PKN2: variants seen among roughly 807,000 people sequenced by gnomAD.
PKN2 encodes the protein protein kinase N2.
A neutral mutation model predicts 119.1 loss-of-function variants in PKN2; 38 were observed. The observed-to-expected ratio is 0.32, with a 90% confidence interval of 0.25 to 0.42. The LOEUF (loss-of-function observed/expected upper bound fraction) is 0.42, where lower values mean the gene tolerates loss of function less well. Among genes scored for constraint, PKN2 ranks in the 10% least tolerant of loss-of-function variants. The pLI is 1.00. For missense variants in PKN2, 850 were observed against 1,165.1 expected (o/e 0.73, Z 3.94); for synonymous variants, 390 against 384.9 (o/e 1.01, Z -0.15).
chr1:88,734,021 A>G (rs566228360), intron 1 of PKN2, among the ~76,000 whole-genome samples: 34 of 152,208 alleles, frequency 2.2e-4, no homozygotes, highest in African/African-American at 8.2e-4. Context: ...AGCTAGGCAT[A>G]GTGGAGCCCA....
intron 1 of PKN2, among the ~76,000 whole-genome samples, chr1:88,736,189 T>C (rs1668340279): frequency 6.6e-6 from 1 of 152,198 alleles, no homozygotes; most frequent in African/African-American, 2.4e-5. Context: ...TCTCTCATGT[T>C]TCTCTGATAA....
chr1:88,820,179 CCTATATATATATATAT>C lies in PKN2; in HGVS notation c.2280-1761_2280-1746del, dbSNP rs1179669633. ...TAAATCAAACAAATCTTTTCAGAAACCTATATATATATATATATATATATATATATATATATATATA... is the reference window on the plus strand; with the variant it reads ...TAAATCAAACAAATCTTTTCAGAAACATATATATATATATATATATATATA... On this transcript the variant is annotated intron_variant, in intron 16 of 21. Transcript: ENST00000370521. 3.4e-4 allele frequency among the ~76,000 whole-genome samples: 22 copies of C among 65,476 alleles called. No homozygotes were observed. In the South Asian group the frequency reaches 0.01, roughly 31 times the overall value. 43.0% of individuals were successfully genotyped at this position (65,476 alleles called of 152,430 possible). A position where few individuals can be genotyped will look rare whatever the true frequency, so the allele number is the denominator to read the frequency against.
At chr1:88,726,703 G>A (rs1385049476) in intron 1 of PKN2, among the ~76,000 whole-genome samples, 1 of 151,814 alleles carries the variant, frequency 6.6e-6, no homozygotes, top group Admixed American at 6.6e-5. Context: ...ATTTTCTGGA[G>A]AATATTGTAT....
intron 19 of PKN2, among the ~76,000 whole-genome samples, chr1:88,832,426 A>G (rs554420716): frequency 1.9e-4 from 29 of 152,168 alleles, no homozygotes; most frequent in African/African-American, 5.5e-4. Context: ...ATAAAATGGA[A>G]TGGAGTGGAA....
intron 16 of PKN2, 83 bp from the exon 17 acceptor site, chr1:88,821,858 C>G: frequency 9.7e-7 from 1 of 1,025,974 alleles, no homozygotes; most frequent in Non-Finnish European, 1.4e-6. Flanking sequence ...AATGATAGGT[C>G]TGCTTTGAAG....
chr1:88,723,702 C>T (rs1187933517), intron 1 of PKN2, among the ~76,000 whole-genome samples: 1 of 152,074 alleles, frequency 6.6e-6, no homozygotes, highest in Non-Finnish European at 1.5e-5. Flanking sequence ...ATCCAGGTAT[C>T]CTTTTTATGT....
At chr1:88,694,368 TAC>T (rs1666448399) in intron 1 of PKN2, among the ~76,000 whole-genome samples, 1 of 152,224 alleles carries the variant, frequency 6.6e-6, no homozygotes, top group Non-Finnish European at 1.5e-5. Flanking sequence ...GTTGGAATCA[TAC>T]AGTGTGTAGC....
intron 1 of PKN2, among the ~76,000 whole-genome samples, chr1:88,734,159 TAAA>T (rs79679723): frequency 1.4e-5 from 2 of 140,538 alleles, no homozygotes; most frequent in Non-Finnish European, 3.1e-5. Context: ...ACCCTATCTT[TAAA>T]AAAAAAAAAA....
intron 16 of PKN2, among the ~76,000 whole-genome samples, chr1:88,816,296 G>C (rs1293078873): frequency 1.3e-5 from 2 of 152,196 alleles, no homozygotes; most frequent in African/African-American, 4.8e-5. Context: ...TCCCAGGCTG[G>C]AGTGCAGTGG....
intron 2 of PKN2, among the ~76,000 whole-genome samples, chr1:88,755,207 G>A (rs1669150647): frequency 6.6e-6 from 1 of 152,092 alleles, no homozygotes; most frequent in African/African-American, 2.4e-5. Flanking sequence ...TTTGAAATAT[G>A]TTTCACTATG....
intron 1 of PKN2, among the ~76,000 whole-genome samples, chr1:88,706,197 G>T (rs1205132757): frequency 6.6e-6 from 1 of 151,966 alleles, no homozygotes; most frequent in Non-Finnish European, 1.5e-5. Context: ...CAGTGTATGG[G>T]TCTTTTACAT....
intron 16 of PKN2, among the ~76,000 whole-genome samples, chr1:88,818,167 C>G (rs925650074): frequency 6.6e-6 from 1 of 152,128 alleles, no homozygotes; most frequent in Non-Finnish European, 1.5e-5. Flanking sequence ...ATGTGAAGGA[C>G]CTCTTCAAGG....
intron 8 of PKN2, among the ~76,000 whole-genome samples, chr1:88,801,541 T>G (rs997824179): frequency 6.6e-6 from 1 of 152,226 alleles, no homozygotes; most frequent in Non-Finnish European, 1.5e-5. Context: ...AAAGTGGGAT[T>G]GAACACAAGT....
intron 8 of PKN2, among the ~76,000 whole-genome samples, chr1:88,801,538 G>A (rs1301071710): frequency 6.6e-6 from 1 of 152,168 alleles, no homozygotes; most frequent in Non-Finnish European, 1.5e-5. Context: ...TTTAAAGTGG[G>A]ATTGAACACA....
In PKN2 at chr1:88,741,256, A is replaced by G. The variant is rs1355827893; in HGVS notation, c.317A>G (p.His106Arg). The G allele has an allele frequency of 1.3e-6, 2 of 1,592,002 alleles. No individual in the cohort carries two copies. The highest frequency in any genetic ancestry group is 2.3e-5 in the South Asian group (2 of 86,244). The change falls in exon 2 of 22, where the codon CAT (histidine) becomes CGT (arginine). Residue 106 changes from histidine (H) to arginine (R), a missense_variant. This residue lies in a region of PKN2 where 350 missense variants were observed against 511.1 expected (regional missense o/e 0.68). Transcript: ENST00000370521. Reference protein sequence around the residue: ...LHHKLQELNAHIVVSDPEDIT... With the variant: ...LHHKLQELNARIVVSDPEDIT... Reference sequence around the variant, plus strand: ...CACAAGCTGCAGGAATTAAATGCACATATTGTTGTATCAGATCCAGAAGAT... The same window carrying G: ...CACAAGCTGCAGGAATTAAATGCACGTATTGTTGTATCAGATCCAGAAGAT...
intron 8 of PKN2, 53 bp from the exon 9 acceptor site, chr1:88,804,338 G>A (rs1671450109): frequency 1.5e-6 from 2 of 1,314,178 alleles, no homozygotes; most frequent in Non-Finnish European, 2.1e-6. Context: ...ATTCAAGTGT[G>A]TGTCCAATGA....
Position 88,715,168 on chromosome 1 carries a change from G to A in PKN2, c.49-25820G>A, listed in dbSNP as rs540298334. ...AGCTTTTTGATGTGCTGCTCAGTTC[G>A]GTTTGCCAGTATTTTGTTGAGGATT... On this transcript the variant is annotated intron_variant, in intron 1 of 21. Transcript: ENST00000370521. Among the ~76,000 whole-genome samples, 146 of 152,160 alleles carry A rather than the reference G, an allele frequency of 9.6e-4. 1 individual carries two copies. The highest frequency in any genetic ancestry group is 2.8e-3 in the African/African-American group (117 of 41,522).
rs1331459126 is a variant in PKN2, at chr1:88,805,493, AC to A, written c.1502-3del. 1.3e-6 allele frequency: 2 copies of A among 1,582,344 alleles called. No individual in the cohort carries two copies. Among genetic ancestry groups the A allele is most frequent in the Non-Finnish European group, 1.7e-6 (2 of 1,162,190 alleles). ...GCTGTTTTTGTTTTTTTCAACATCT[AC>A]AGGCAAAACATTTCTCAGAGCTCCT... is the stretch of plus-strand genomic sequence containing the variant. On this transcript the variant is annotated splice_region_variant and splice_polypyrimidine_tract_variant and intron_variant, in intron 10 of 21. Transcript: ENST00000370521.
chr1:88,741,050 A>C lies in PKN2; in HGVS notation c.111A>C (p.Ser37=). 1 of 1,599,164 alleles carries C rather than the reference A, an allele frequency of 6.3e-7. No individual in the cohort carries two copies. The highest frequency in any genetic ancestry group is 8.5e-7 in the Non-Finnish European group (1 of 1,175,488). ...GTGCTGTTCAAAAATTAGACTTTTC[A>C]GATACAATGGTGCAGCAGAAATTGG... ...NVSAVQKLDF[S]DTMVQQKLDD... is the part of the protein sequence containing the mutation. The change falls in exon 2 of 22, where the codon TCA becomes TCC. Residue 37 remains serine (S), a synonymous_variant. Coordinates refer to ENST00000370521, the MANE Select transcript of PKN2 (RefSeq NM_006256.4).
Sources: gnomAD v4.1 joint callset for allele counts (sites outside exome capture counted in the v4.1 genomes callset) on GRCh38, gnomAD v4.1.1 for gene constraint, gnomAD v4.1.1 regional missense constraint, MANE v1.5 for transcripts, NCBI Gene and HGNC (gene_info 2026-07-23, HGNC 2026-07-21) for gene names.